The following SEMA5B variants were observed in gnomAD, a reference collection of about 807,000 sequenced individuals.
SEMA5B encodes the protein semaphorin 5B, also known as semaphorin-5B.
In SEMA5B, 66 loss-of-function variants were observed where a neutral mutation model predicts 135.0. The observed-to-expected ratio is 0.49, with a 90% CI of 0.40 to 0.60. SEMA5B has a LOEUF of 0.60. Ranked by LOEUF, SEMA5B falls within the 20% of genes least tolerant of loss-of-function variation. The pLI, the probability that SEMA5B is intolerant of heterozygous loss-of-function variation, is 0.00. For synonymous variants in SEMA5B, 690 were observed against 639.5 expected (o/e 1.08, Z -1.19); for missense variants, 1,501 against 1,566.3 (o/e 0.96, Z 0.70).
intron 5 of SEMA5B, among the ~76,000 whole-genome samples, chr3:122,931,395 T>C (rs1472289904): frequency 3.3e-5 from 5 of 152,172 alleles, no homozygotes; most frequent in African/African-American, 9.7e-5. Flanking sequence ...TCAACATTGG[T>C]ATTTACAGCC....
At chr3:122,987,461 C>T (rs543718108) in intron 1 of SEMA5B, among the ~76,000 whole-genome samples, 96 of 152,298 alleles carry the variant, frequency 6.3e-4, no homozygotes, top group Non-Finnish European at 1.1e-3. Flanking sequence ...AGGTCCTCTC[C>T]CTCAAACTGG....
At chr3:122,919,129 T>C (rs1938224153) in intron 12 of SEMA5B, among the ~76,000 whole-genome samples, 1 of 150,616 alleles carries the variant, frequency 6.6e-6, no homozygotes, top group Non-Finnish European at 1.5e-5. Context: ...TCCAGCACTG[T>C]GGTGTAGTAG....
chr3:123,018,483 G>A (rs541521056), intron 1 of SEMA5B, among the ~76,000 whole-genome samples: 138 of 152,326 alleles, frequency 9.1e-4, no homozygotes, highest in Non-Finnish European at 1.6e-3. Context: ...TGCCCTCCAC[G>A]AAGCACACTT....
intron 1 of SEMA5B, among the ~76,000 whole-genome samples, chr3:123,019,771 A>T (rs1034983445): frequency 1.1e-4 from 17 of 152,290 alleles, no homozygotes; most frequent in African/African-American, 4.1e-4. Flanking sequence ...AGGTACGAAG[A>T]TGAAAGGGCT....
intron 5 of SEMA5B, among the ~76,000 whole-genome samples, chr3:122,934,844 A>T (rs1169429131): frequency 6.9e-6 from 1 of 145,834 alleles, no homozygotes; most frequent in East Asian, 2.0e-4. Flanking sequence ...TTGTGCCACT[A>T]GCCTTAGTGA....
chr3:122,933,847 T>C (rs185219512), intron 5 of SEMA5B, among the ~76,000 whole-genome samples: 1 of 152,110 alleles, frequency 6.6e-6, no homozygotes, highest in Admixed American at 6.5e-5. Context: ...TTAAGTTTAT[T>C]GTTTTATAAA....
chr3:122,945,212 T>A (rs1471202128), intron 3 of SEMA5B, among the ~76,000 whole-genome samples: 3 of 152,012 alleles, frequency 2.0e-5, no homozygotes. Context: ...AGAAAGAAAT[T>A]CTGCAGCAAA....
intron 1 of SEMA5B, among the ~76,000 whole-genome samples, chr3:122,997,866 T>C (rs1942063091): frequency 6.6e-6 from 1 of 152,086 alleles, no homozygotes; most frequent in Non-Finnish European, 1.5e-5. Flanking sequence ...AGTGGGCCTC[T>C]CTCCTCGCTG....
At chr3:122,992,424 G>C (rs1282396466) in intron 1 of SEMA5B, among the ~76,000 whole-genome samples, 1 of 152,202 alleles carries the variant, frequency 6.6e-6, no homozygotes, top group Non-Finnish European at 1.5e-5. Context: ...GGGTTATGCA[G>C]CAAGAGTACA....
Position 122,966,586 on chromosome 3 carries a change from G to A in SEMA5B, c.-38-5285C>T, listed in dbSNP as rs181293353. Among the ~76,000 whole-genome samples, 1,346 of 146,586 alleles carry A rather than the reference G, an allele frequency of 9.2e-3. 17 individuals carry two copies. The highest frequency in any genetic ancestry group is 7.7e-3 in the Non-Finnish European group (520 of 67,560). On this transcript the variant is annotated intron_variant, in intron 1 of 22. Coordinates refer to ENST00000357599, the MANE Select transcript of SEMA5B (RefSeq NM_001031702.4). Reference sequence around the variant, plus strand: ...TTATTATTTTTTGAGACGGAGTCTCGCTCTATCACCCAGGCTGGAGTGCAG... The same window carrying A: ...TTATTATTTTTTGAGACGGAGTCTCACTCTATCACCCAGGCTGGAGTGCAG...
At chr3:122,967,974 C>T (rs1030830342) in intron 1 of SEMA5B, among the ~76,000 whole-genome samples, 9 of 152,256 alleles carry the variant, frequency 5.9e-5, no homozygotes, top group African/African-American at 1.7e-4. Context: ...GCCCTCAGCC[C>T]GCCCAAGGAC....
In SEMA5B at chr3:122,926,598, A is replaced by T; in HGVS notation, c.930T>A (p.Cys310Ter). The change falls in exon 9 of 23, where the codon TGT (cysteine) becomes TGA (stop). Residue 310 changes from cysteine to a stop codon, truncating the protein, a stop_gained. Transcript: ENST00000357599. LOFTEE classifies it high-confidence loss of function. ...CCACGCGAGAGTACACGGTGCGTCCACAGTCGTGCTCCACTGCGTTCTCCC... is the reference window on the plus strand; with the variant it reads ...CCACGCGAGAGTACACGGTGCGTCCTCAGTCGTGCTCCACTGCGTTCTCCC... ...FLRENAVEHDCGRTVYSRVAR... is the reference protein window; with the variant it reads ...FLRENAVEHD The T allele has an allele frequency of 6.2e-7, 1 of 1,614,246 alleles. No individual in the cohort carries two copies. Among genetic ancestry groups the T allele is most frequent in the East Asian group, 2.2e-5 (1 of 44,890 alleles).
At chr3:123,006,274 CTGACAAGTCAGGAGCGTGAAAA>C (rs1438989285) in intron 1 of SEMA5B, among the ~76,000 whole-genome samples, 1 of 152,168 alleles carries the variant, frequency 6.6e-6, no homozygotes, top group African/African-American at 2.4e-5. Context: ...ATGGGAGTAA[CTGACAAGTCAGGAGCGTGAAAA>C]TGAAGAAAGA....
chr3:123,000,533 G>C (rs1231740450), intron 1 of SEMA5B, among the ~76,000 whole-genome samples: 2 of 152,136 alleles, frequency 1.3e-5, no homozygotes, highest in Non-Finnish European at 2.9e-5. Flanking sequence ...GAGTGCCTTA[G>C]GTATATTCAC....
rs769436875 is a variant in SEMA5B at position 123,003,630 on chromosome 3, C to T, written c.-39+23834G>A. On this transcript the variant is annotated intron_variant, in intron 1 of 22. Coordinates refer to ENST00000357599, the MANE Select transcript of SEMA5B (RefSeq NM_001031702.4). Reference sequence around the variant, plus strand: ...CAGGCGAATCACGAGGTCAGGAGTTCGAAACAAGCCTGGCTAACATGGTGA... The same window carrying T: ...CAGGCGAATCACGAGGTCAGGAGTTTGAAACAAGCCTGGCTAACATGGTGA... Among the ~76,000 whole-genome samples the T allele has an allele frequency of 4.6e-5, 7 of 152,118 alleles. No homozygotes were observed. In the South Asian group the frequency reaches 6.2e-4, roughly 14 times the overall value.
intron 1 of SEMA5B, among the ~76,000 whole-genome samples, chr3:122,970,967 G>A (rs1941088909): frequency 6.6e-6 from 1 of 152,224 alleles, no homozygotes; most frequent in Non-Finnish European, 1.5e-5. Flanking sequence ...TTCACAGGAA[G>A]GGCTGGATCA....
At chr3:123,011,204 G>T (rs1942432157) in intron 1 of SEMA5B, among the ~76,000 whole-genome samples, 1 of 152,220 alleles carries the variant, frequency 6.6e-6, no homozygotes, top group Non-Finnish European at 1.5e-5. Context: ...GTGTCTTGGG[G>T]TCGAAGACTT....
chr3:123,011,608 G>A (rs1019892770), intron 1 of SEMA5B, among the ~76,000 whole-genome samples: 1 of 152,196 alleles, frequency 6.6e-6, no homozygotes, highest in Admixed American at 6.5e-5. Context: ...GCACACACAT[G>A]CACAGAGCTT....
intron 12 of SEMA5B, among the ~76,000 whole-genome samples, chr3:122,916,403 A>G (rs959230947): frequency 6.6e-6 from 1 of 152,186 alleles, no homozygotes; most frequent in Non-Finnish European, 1.5e-5. Context: ...AGGAGCTTTC[A>G]AAACATACCA....
Sources: gnomAD v4.1 joint callset for allele counts (sites outside exome capture counted in the v4.1 genomes callset) on GRCh38, gnomAD v4.1.1 for gene constraint, MANE v1.5 for transcripts, NCBI Gene and HGNC (gene_info 2026-07-23, HGNC 2026-07-21) for gene names.